The following MBD5 variants were observed in gnomAD, a reference collection of about 807,000 sequenced individuals.
MBD5 encodes the protein methyl-CpG-binding domain protein 5.
A neutral mutation model predicts 117.3 loss-of-function variants in MBD5; 13 were observed. The observed-to-expected ratio is 0.11, with a 90% CI of 0.07 to 0.18. MBD5 has a LOEUF of 0.18. Ranked by LOEUF, MBD5 falls within the 10% of genes least tolerant of loss-of-function variation. The pLI is 1.00. For synonymous variants in MBD5, 727 were observed against 766.4 expected (o/e 0.95, Z 0.85); for missense variants, 1,879 against 2,093.8 (o/e 0.90, Z 2.00).
chr2:148,263,788 A>G (rs1700789264), intron 3 of MBD5, among the ~76,000 whole-genome samples: 2 of 152,220 alleles, frequency 1.3e-5, no homozygotes, highest in East Asian at 3.9e-4. Flanking sequence ...ATGAGAGTTC[A>G]GTAATGATTT....
rs999944646 is a variant in MBD5, at chr2:148,490,335, A to G, written c.4703A>G (p.His1568Arg). 1 of 1,614,176 alleles carries G rather than the reference A, an allele frequency of 6.2e-7. No individual in the cohort carries two copies. Among genetic ancestry groups the G allele is most frequent in the Non-Finnish European group, 8.5e-7 (1 of 1,180,032 alleles). The change falls in exon 11 of 14, where the codon CAT (histidine) becomes CGT (arginine). Residue 1568 changes from histidine (H) to arginine (R), a missense_variant. Transcript: ENST00000642680. ...AATTCTCTGGTCAAAGACTACATCC[A>G]TTACAATGGAGACTTTAATGCCAAA... The part of the protein sequence containing the change: ...LENSLVKDYI[H>R]YNGDFNAKSV...
intron 1 of MBD5, among the ~76,000 whole-genome samples, chr2:148,041,966 A>G (rs1157569646): frequency 6.6e-6 from 1 of 152,228 alleles, no homozygotes; most frequent in East Asian, 1.9e-4. Context: ...ATCCTTTCCT[A>G]TATTTTAATC....
At position 148,502,689 on chromosome 2, in the gene MBD5, C is replaced by T. The variant is rs1681910862; in HGVS notation, c.5036+180C>T. 2.6e-5 allele frequency among the ~76,000 whole-genome samples: 4 copies of T among 152,208 alleles called. No homozygotes were observed. In the South Asian group the frequency reaches 8.3e-4, roughly 31 times the overall value. ...AATTAGTGATTATGGAAAATATCCT[C>T]TTAACATTTTATGTTTACACTATGT... is the stretch of plus-strand genomic sequence containing the variant. On this transcript the variant is annotated intron_variant, in intron 12 of 13. Coordinates refer to ENST00000642680, the MANE Select transcript of MBD5 (RefSeq NM_001378120.1).
At chr2:148,333,288 G>C (rs1198762435) in intron 3 of MBD5, among the ~76,000 whole-genome samples, 1 of 152,114 alleles carries the variant, frequency 6.6e-6, no homozygotes, top group Non-Finnish European at 1.5e-5. Context: ...TCGATAACAT[G>C]TAATTGGGGC....
At chr2:148,202,912 T>C (rs1699178271) in intron 2 of MBD5, among the ~76,000 whole-genome samples, 2 of 151,986 alleles carry the variant, frequency 1.3e-5, no homozygotes, top group African/African-American at 4.8e-5. Flanking sequence ...TAAAATAGAC[T>C]GGCCAACATA....
chr2:148,200,149 C>T (rs1244204950), intron 2 of MBD5, among the ~76,000 whole-genome samples: 2 of 152,088 alleles, frequency 1.3e-5, no homozygotes, highest in South Asian at 4.2e-4. Flanking sequence ...TCTGACCATT[C>T]TATTTTAAAT....
chr2:148,416,613 A>G (rs570609017), intron 4 of MBD5, among the ~76,000 whole-genome samples: 1 of 152,138 alleles, frequency 6.6e-6, no homozygotes, highest in South Asian at 2.1e-4. Flanking sequence ...GGTTTTTTAT[A>G]TATTTAATTT....
chr2:148,067,611 T>G (rs970707990), intron 1 of MBD5, among the ~76,000 whole-genome samples: 1 of 152,200 alleles, frequency 6.6e-6, no homozygotes, highest in Non-Finnish European at 1.5e-5. Context: ...CTACCTAGAA[T>G]TAAAGCAAGT....
intron 2 of MBD5, among the ~76,000 whole-genome samples, chr2:148,208,176 C>T (rs760633086): frequency 4.6e-5 from 7 of 152,150 alleles, no homozygotes; most frequent in Non-Finnish European, 7.4e-5. Context: ...ATTATTCAAT[C>T]TAGAAAACAT....
At chr2:148,161,225 C>CTA (rs1452704501) in intron 1 of MBD5, among the ~76,000 whole-genome samples, 1 of 152,176 alleles carries the variant, frequency 6.6e-6, no homozygotes, top group Non-Finnish European at 1.5e-5. Flanking sequence ...CTTAACCATC[C>CTA]AGTCTGTTTT....
At chr2:148,082,916 T>C (rs1288224914) in intron 1 of MBD5, among the ~76,000 whole-genome samples, 1 of 152,216 alleles carries the variant, frequency 6.6e-6, no homozygotes, top group African/African-American at 2.4e-5. Flanking sequence ...TTAGGTATCA[T>C]CTCATTGTCT....
At chr2:148,249,688 T>C (rs1404878737) in intron 3 of MBD5, among the ~76,000 whole-genome samples, 2 of 152,222 alleles carry the variant, frequency 1.3e-5, no homozygotes, top group Non-Finnish European at 2.9e-5. Flanking sequence ...GATAAGTCTT[T>C]TAAAATTGTG....
chr2:148,429,287 C>A (rs1358640979), intron 4 of MBD5, among the ~76,000 whole-genome samples: 1 of 152,038 alleles, frequency 6.6e-6, no homozygotes, highest in Non-Finnish European at 1.5e-5. Context: ...CAGATCAAAA[C>A]CACAATGAGA....
intron 4 of MBD5, among the ~76,000 whole-genome samples, chr2:148,382,677 T>C (rs939516621): frequency 1.3e-4 from 20 of 152,150 alleles, no homozygotes; most frequent in Non-Finnish European, 2.4e-4. Flanking sequence ...ACACCACACC[T>C]ATTCCAAAAC....
chr2:148,197,814 T>G (rs1436413261), intron 2 of MBD5, among the ~76,000 whole-genome samples: 7 of 116,540 alleles, frequency 6.0e-5, no homozygotes, highest in Non-Finnish European at 1.3e-4. Flanking sequence ...TTGTTTTTTT[T>G]TTTGTTTTTT....
intron 1 of MBD5, among the ~76,000 whole-genome samples, chr2:148,165,431 A>G (rs1574086159): frequency 6.6e-6 from 1 of 152,080 alleles, no homozygotes; most frequent in African/African-American, 2.4e-5. Flanking sequence ...ATATTGCCAA[A>G]AATATTGAGT....
intron 1 of MBD5, among the ~76,000 whole-genome samples, chr2:148,126,978 T>TG (rs1696913229): frequency 4.7e-5 from 2 of 42,354 alleles, no homozygotes; most frequent in East Asian, 1.7e-3. Context: ...TTTTTCTTTC[T>TG]TTTTTTTTTT....
intron 2 of MBD5, among the ~76,000 whole-genome samples, chr2:148,231,267 G>A (rs903073982): frequency 1.3e-5 from 2 of 152,112 alleles, no homozygotes; most frequent in Admixed American, 1.3e-4. Flanking sequence ...AAACAGGCCT[G>A]GTTAAAATGC....
At position 148,208,193 on chromosome 2, in the gene MBD5, AG is replaced by A. The variant is rs1382602133; in HGVS notation, c.-830-25050del. On this transcript the variant is annotated intron_variant, in intron 2 of 13. Transcript: ENST00000642680. Reference sequence around the variant, plus strand: ...TATTCAATCTAGAAAACATGGAATAAGGACACTCTACCTTGTGTTTGTTTCC... The same window carrying A: ...TATTCAATCTAGAAAACATGGAATAAGACACTCTACCTTGTGTTTGTTTCC... 2.6e-5 allele frequency among the ~76,000 whole-genome samples: 4 copies of A among 152,204 alleles called. No individual in the cohort carries two copies. The East Asian group carries it at 7.7e-4, about 29-fold the overall frequency.
Sources: allele counts gnomAD v4.1 joint callset (sites outside exome capture counted in the v4.1 genomes callset), GRCh38; gene constraint gnomAD v4.1.1; transcripts MANE v1.5; gene names NCBI Gene and HGNC (gene_info 2026-07-23, HGNC 2026-07-21).